The following ARID2 variants were observed in gnomAD, a reference collection of about 807,000 sequenced individuals.
ARID2 encodes the protein AT-rich interactive domain-containing protein 2.
In ARID2, 32 loss-of-function variants were observed where a neutral mutation model predicts 184.6. The observed-to-expected ratio is 0.17, with a 90% confidence interval of 0.13 to 0.23. The LOEUF is 0.23. ARID2 is among the 10% of genes least tolerant of loss of function. The pLI, the probability that ARID2 is intolerant of heterozygous loss-of-function variation, is 1.00. For missense variants in ARID2, 1,696 were observed against 2,197.6 expected (o/e 0.77, Z 4.56); for synonymous variants, 836 against 772.6 (o/e 1.08, Z -1.36).
At chr12:45,814,627 C>T (rs532625458) in intron 4 of ARID2, among the ~76,000 whole-genome samples, 6 of 152,190 alleles carry the variant, frequency 3.9e-5, no homozygotes, top group South Asian at 2.1e-4. Context: ...GTAGCCTAGG[C>T]GACAGAGCAA....
At chr12:45,829,507 C>T (rs1943069022) in intron 6 of ARID2, among the ~76,000 whole-genome samples, 1 of 151,494 alleles carries the variant, frequency 6.6e-6, no homozygotes, top group African/African-American at 2.4e-5. Context: ...GTGTTTTTTT[C>T]ACAGTATAAC....
chr12:45,866,806 T>G (rs1943838221), intron 16 of ARID2, among the ~76,000 whole-genome samples: 1 of 152,216 alleles, frequency 6.6e-6, no homozygotes, highest in African/African-American at 2.4e-5. Context: ...ATGGTACATT[T>G]GTTATAACTG....
chr12:45,855,976 G>A (rs954690083), intron 15 of ARID2, among the ~76,000 whole-genome samples: 17 of 151,722 alleles, frequency 1.1e-4, no homozygotes, highest in Non-Finnish European at 2.1e-4. Flanking sequence ...AGTGATCCCC[G>A]CGCCTTGGCC....
Position 45,905,968 on chromosome 12 carries a change from T to C in ARID2, c.*890T>C. 1 of 231,570 alleles carries C rather than the reference T, an allele frequency of 4.3e-6. No homozygotes were observed. Among genetic ancestry groups the C allele is most frequent in the Middle Eastern group, 1.3e-3 (1 of 778 alleles). The allele number at this position is 231,570 out of a possible 1,614,324, so 14.3% of individuals were successfully genotyped here. A position where few individuals can be genotyped will look rare whatever the true frequency, so the allele number is the denominator to read the frequency against. ...TTTTTTTTTCTTTTTTTTTTTGTAT[T>C]ATACACCTTGTAGAACTCATTTTGC... is the stretch of plus-strand genomic sequence containing the variant. On this transcript the variant is annotated 3_prime_UTR_variant, in exon 21 of 21. Coordinates refer to ENST00000334344, the MANE Select transcript of ARID2 (RefSeq NM_152641.4).
intron 16 of ARID2, among the ~76,000 whole-genome samples, chr12:45,865,921 TTTC>T (rs1221138778): frequency 3.3e-5 from 5 of 152,146 alleles, no homozygotes; most frequent in African/African-American, 4.8e-5. Context: ...CATAATTGTT[TTTC>T]TTATTTTAAA....
At chr12:45,751,506 G>A (rs541542580) in intron 3 of ARID2, among the ~76,000 whole-genome samples, 2 of 152,344 alleles carry the variant, frequency 1.3e-5, no homozygotes, top group South Asian at 2.1e-4. Flanking sequence ...GCTTTGTTGT[G>A]TATAGATGTT....
intron 3 of ARID2, among the ~76,000 whole-genome samples, chr12:45,739,856 C>T (rs1252837273): frequency 6.6e-6 from 1 of 152,076 alleles, no homozygotes; most frequent in African/African-American, 2.4e-5. Context: ...ATAGCTAGGG[C>T]CCTGTCCAGA....
chr12:45,771,655 A>G (rs1439512392), intron 3 of ARID2, among the ~76,000 whole-genome samples: 6 of 152,122 alleles, frequency 3.9e-5, no homozygotes, highest in Non-Finnish European at 7.4e-5. Context: ...CCTGGGCAAC[A>G]GAGCCAGACC....
At chr12:45,891,959 C>T (rs773296508) in intron 17 of ARID2, 41 bp downstream of exon 17, 1 of 1,614,034 alleles carries the variant, frequency 6.2e-7, no homozygotes, top group Non-Finnish European at 8.5e-7. Flanking sequence ...ACTCATTTGA[C>T]TGCATTAAAG....
intron 20 of ARID2, among the ~76,000 whole-genome samples, chr12:45,899,680 G>A (rs1592148867): frequency 2.2e-5 from 1 of 44,664 alleles, no homozygotes; most frequent in South Asian, 6.7e-4. Context: ...GTTATATATG[G>A]TTATATATAT....
intron 3 of ARID2, among the ~76,000 whole-genome samples, chr12:45,751,937 C>T (rs1486324072): frequency 5.3e-5 from 8 of 152,120 alleles, no homozygotes; most frequent in Non-Finnish European, 1.2e-4. Context: ...ATAGTTTGTA[C>T]GACCAAGGTT....
chr12:45,870,733 C>A (rs1943914467), intron 16 of ARID2, among the ~76,000 whole-genome samples: 2 of 152,012 alleles, frequency 1.3e-5, no homozygotes, highest in Non-Finnish European at 2.9e-5. Context: ...AATCTGGTTT[C>A]TTTCACTTAG....
intron 16 of ARID2, among the ~76,000 whole-genome samples, chr12:45,863,756 A>C (rs1254306336): frequency 6.6e-6 from 1 of 151,764 alleles, no homozygotes; most frequent in Admixed American, 6.6e-5. Flanking sequence ...TATACATTTA[A>C]CCTGTTCTTA....
intron 11 of ARID2, chr12:45,842,277 A>G (rs1943358833): frequency 6.6e-6 from 1 of 151,272 alleles, no homozygotes; most frequent in African/African-American, 2.4e-5. Flanking sequence ...ATATATACAC[A>G]TACACACACA....
chr12:45,811,190 C>A (rs2138081719), intron 3 of ARID2, among the ~76,000 whole-genome samples: 2 of 144,232 alleles, frequency 1.4e-5, no homozygotes, highest in Admixed American at 7.1e-5. Context: ...GCCTGGGCGA[C>A]AGAGCGAGAC....
chr12:45,850,712 A>G lies in ARID2; in HGVS notation c.2589A>G (p.Ser863=), dbSNP rs760215563. 2 of 1,614,138 alleles carry G rather than the reference A, an allele frequency of 1.2e-6. No homozygotes were observed. ...CAACTTCTGCATCCAATATTGTCTC[A>G]GCAACTTCAGTACAGAATTTTCAGG... The part of the protein sequence containing the change: ...YVTTSASNIV[S]ATSVQNFQVA... Residue 863 remains serine (S), a synonymous_variant, in exon 15 of 21, where the codon TCA becomes TCG. Transcript: ENST00000334344.
chr12:45,792,817 T>C (rs1942317383), intron 3 of ARID2, among the ~76,000 whole-genome samples: 1 of 152,222 alleles, frequency 6.6e-6, no homozygotes, highest in African/African-American at 2.4e-5. Context: ...GAGGTTTTTA[T>C]GTTAAAGTGT....
intron 3 of ARID2, among the ~76,000 whole-genome samples, chr12:45,753,884 A>T (rs557891740): frequency 1.3e-5 from 2 of 152,158 alleles, no homozygotes; most frequent in Non-Finnish European, 2.9e-5. Flanking sequence ...ATGAGCCCCC[A>T]TAACAACAAC....
chr12:45,825,022 G>C (rs142628884), intron 6 of ARID2, among the ~76,000 whole-genome samples: 1 of 151,920 alleles, frequency 6.6e-6, no homozygotes, highest in Non-Finnish European at 1.5e-5. Flanking sequence ...GTTCTCACTC[G>C]TATGTGGGAG....
Sources: gnomAD v4.1 joint callset for allele counts (sites outside exome capture counted in the v4.1 genomes callset) on GRCh38, gnomAD v4.1.1 for gene constraint, MANE v1.5 for transcripts, NCBI Gene and HGNC (gene_info 2026-07-23, HGNC 2026-07-21) for gene names.